The following LRP1B variants were observed in gnomAD, a reference collection of about 807,000 sequenced individuals.
LRP1B encodes low-density lipoprotein receptor-related protein 1B.
LRP1B carries 217 observed loss-of-function variants against 556.6 expected under a neutral mutation model. The ratio of observed to expected loss-of-function variants is 0.39; its 90% CI spans 0.35 to 0.44. The LOEUF (loss-of-function observed/expected upper bound fraction) is 0.44, where lower values mean the gene tolerates loss of function less well. Ranked by LOEUF, LRP1B falls within the 20% of genes least tolerant of loss-of-function variation. The pLI is 1.00. For missense variants in LRP1B, 5,053 were observed against 5,620.8 expected (o/e 0.90, Z 3.23); for synonymous variants, 2,047 against 1,865.8 (o/e 1.10, Z -2.50).
chr2:141,718,298 C>T (rs1330773325), intron 2 of LRP1B, among the ~76,000 whole-genome samples: 1 of 152,194 alleles, frequency 6.6e-6, no homozygotes, highest in East Asian at 1.9e-4. Context: ...CTATTCTTTC[C>T]CCTTGCCTCA....
chr2:141,543,353 CA>C lies in LRP1B; in HGVS notation c.206-62821del, dbSNP rs199540737. Among the ~76,000 whole-genome samples, 200 of 140,486 alleles carry C rather than the reference CA, an allele frequency of 1.4e-3. 1 individual carries two copies. The highest frequency in any genetic ancestry group is 7.5e-3 in the Middle Eastern group (2 of 266). The allele number at this position is 140,486 out of a possible 152,430, so 92.2% of individuals were successfully genotyped here. A position where few individuals can be genotyped will look rare whatever the true frequency, so the allele number is the denominator to read the frequency against. ...TGAAACCCTGTCTCTACAAAAAATA[CA>C]AAAAAAAAAAATTATTCAGGCATGA... On this transcript the variant is annotated intron_variant, in intron 2 of 90. Coordinates refer to ENST00000389484, the MANE Select transcript of LRP1B (RefSeq NM_018557.3).
intron 82 of LRP1B, among the ~76,000 whole-genome samples, chr2:140,317,515 G>T (rs535494921): frequency 6.7e-6 from 1 of 149,736 alleles, no homozygotes; most frequent in Non-Finnish European, 1.5e-5. Context: ...TTTTGAGGTG[G>T]CATACTAAAT....
intron 2 of LRP1B, among the ~76,000 whole-genome samples, chr2:141,602,609 C>T (rs1461933610): frequency 3.3e-5 from 5 of 152,158 alleles, no homozygotes; most frequent in Non-Finnish European, 5.9e-5. Flanking sequence ...CTCTTTCACT[C>T]TAAACTCCCT....
rs1558955346 is a variant in LRP1B at position 140,541,790 on chromosome 2, T to A, written c.7376A>T (p.Asp2459Val). The A allele has an allele frequency of 1.2e-6, 2 of 1,610,758 alleles. No individual in the cohort carries two copies. The highest frequency in any genetic ancestry group is 1.7e-6 in the Non-Finnish European group (2 of 1,177,784). ...CTATTATAACTTACAGCTATTGGTGTCATTGGCAACAGCTATGATTCCCAT... is the reference window on the plus strand; with the variant it reads ...CTATTATAACTTACAGCTATTGGTGACATTGGCAACAGCTATGATTCCCAT... ...QPMGIIAVANDTNSCELSPCA... is the reference protein window; with the variant it reads ...QPMGIIAVANVTNSCELSPCA... The change falls in exon 44 of 91, where the codon GAC becomes GTC. Residue 2459 changes from aspartate to valine, a missense_variant. Physicochemically the swap from Asp to Val is radical, Grantham distance 152. Transcript: ENST00000389484.
intron 5 of LRP1B, 78 bp from the exon 6 acceptor site, chr2:141,229,518 GCTATTTT>G (rs1314575764): frequency 3.8e-5 from 41 of 1,087,196 alleles, no homozygotes; most frequent in Admixed American, 1.5e-4. Context: ...GTTATTGAAA[GCTATTTT>G]CTATACTTTT....
intron 1 of LRP1B, among the ~76,000 whole-genome samples, chr2:142,119,561 A>G (rs1707382659): frequency 6.6e-6 from 1 of 152,202 alleles, no homozygotes; most frequent in Admixed American, 6.6e-5. Flanking sequence ...GAGCAATGAA[A>G]AAAATCATAG....
chr2:140,887,354 T>C (rs1455575269), intron 23 of LRP1B, among the ~76,000 whole-genome samples: 1 of 152,192 alleles, frequency 6.6e-6, no homozygotes, highest in East Asian at 1.9e-4. Context: ...AGGTCTTTGA[T>C]ACAATTTGAA....
At chr2:140,931,807 A>C (rs550180610) in intron 20 of LRP1B, among the ~76,000 whole-genome samples, 1 of 152,070 alleles carries the variant, frequency 6.6e-6, no homozygotes, top group African/African-American at 2.4e-5. Context: ...GAACTCTTAC[A>C]TTATCTAAAT....
chr2:142,018,417 A>G (rs1189105262), intron 1 of LRP1B, among the ~76,000 whole-genome samples: 2 of 152,220 alleles, frequency 1.3e-5, no homozygotes, highest in South Asian at 2.1e-4. Flanking sequence ...CCTACTTGTA[A>G]TAACTTCCTT....
chr2:141,918,184 C>T (rs1700088395), intron 1 of LRP1B, among the ~76,000 whole-genome samples: 1 of 151,696 alleles, frequency 6.6e-6, no homozygotes, highest in African/African-American at 2.4e-5. Context: ...AGGATACACA[C>T]CAAAATGCTT....
At chr2:141,474,191 G>A (rs929725512) in intron 3 of LRP1B, among the ~76,000 whole-genome samples, 2 of 143,786 alleles carry the variant, frequency 1.4e-5, no homozygotes, top group Non-Finnish European at 3.0e-5. Flanking sequence ...CAAAATAACA[G>A]CACAGATAAA....
chr2:141,070,495 A>T (rs1699608104), intron 7 of LRP1B, among the ~76,000 whole-genome samples: 1 of 152,080 alleles, frequency 6.6e-6, no homozygotes, highest in South Asian at 2.1e-4. Flanking sequence ...GGCAAGAAAT[A>T]ACTAAAATCA....
rs142838212 is a variant in LRP1B, at chr2:141,501,222, T to C, written c.206-20689A>G. Among the ~76,000 whole-genome samples the C allele has an allele frequency of 1.4e-4, 22 of 152,278 alleles. No individual in the cohort carries two copies. The East Asian group carries it at 4.2e-3, about 29-fold the overall frequency. ...TGAATTATGTAAATTTCACAAATTTTATTTTATGTATACTTTATTTTGAAT... is the reference window on the plus strand; with the variant it reads ...TGAATTATGTAAATTTCACAAATTTCATTTTATGTATACTTTATTTTGAAT... On this transcript the variant is annotated intron_variant, in intron 2 of 90. Coordinates refer to ENST00000389484, the MANE Select transcript of LRP1B (RefSeq NM_018557.3).
intron 2 of LRP1B, among the ~76,000 whole-genome samples, chr2:141,774,386 AG>A (rs1369270162): frequency 1.3e-5 from 2 of 152,040 alleles, no homozygotes; most frequent in Non-Finnish European, 1.5e-5. Flanking sequence ...GGCGAGAGAG[AG>A]GGGAGGTCCC....
At chr2:140,964,306 C>G (rs139708737) in intron 18 of LRP1B, among the ~76,000 whole-genome samples, 3,561 of 152,258 alleles carry the variant, frequency 0.023, 68 homozygotes, top group South Asian at 0.035. Flanking sequence ...CACAGCATCA[C>G]AGGGAGACAG....
intron 1 of LRP1B, among the ~76,000 whole-genome samples, chr2:142,113,752 C>CAGTT (rs1707088480): frequency 6.6e-6 from 1 of 151,962 alleles, no homozygotes; most frequent in African/African-American, 2.4e-5. Flanking sequence ...GGGATTTTAC[C>CAGTT]AGTTAGTTCA....
At chr2:142,016,828 ATATATT>A (rs923004124) in intron 1 of LRP1B, among the ~76,000 whole-genome samples, 5 of 150,060 alleles carry the variant, frequency 3.3e-5, no homozygotes, top group African/African-American at 7.3e-5. Flanking sequence ...AAGTATATAT[ATATATT>A]TATATGTATA....
At chr2:141,704,703 C>T (rs1282216923) in intron 2 of LRP1B, among the ~76,000 whole-genome samples, 1 of 151,956 alleles carries the variant, frequency 6.6e-6, no homozygotes, top group African/African-American at 2.4e-5. Context: ...ATATTTTCTT[C>T]CTCATATCTT....
At chr2:140,893,692 T>C (rs1238352973) in intron 23 of LRP1B, among the ~76,000 whole-genome samples, 2 of 152,180 alleles carry the variant, frequency 1.3e-5, no homozygotes, top group Non-Finnish European at 2.9e-5. Flanking sequence ...CTTGAAGAAA[T>C]TCCTTGTAGA....
Sources: gnomAD v4.1 joint callset for allele counts (sites outside exome capture counted in the v4.1 genomes callset) on GRCh38, gnomAD v4.1.1 for gene constraint, MANE v1.5 for transcripts, NCBI Gene and HGNC (gene_info 2026-07-23, HGNC 2026-07-21) for gene names.